PPFIA1: variants seen among roughly 807,000 people sequenced by gnomAD.
The protein encoded by PPFIA1 is liprin-alpha-1.
Under a neutral mutation model 149.9 loss-of-function variants are expected in PPFIA1, and 25 were observed. The ratio of observed to expected loss-of-function variants is 0.17; its 90% confidence interval spans 0.12 to 0.23. The LOEUF (loss-of-function observed/expected upper bound fraction) is 0.23, where lower values mean the gene tolerates loss of function less well. Among genes scored for constraint, PPFIA1 ranks in the 10% least tolerant of loss-of-function variants. The probability of loss-of-function intolerance (pLI) is 1.00; values close to 1 mark genes in which losing one functional copy is unlikely to be tolerated. For missense variants in PPFIA1, 1,362 were observed against 1,506.5 expected (o/e 0.90, Z 1.59); for synonymous variants, 549 against 552.8 (o/e 0.99, Z 0.10).
In PPFIA1 at chr11:70,354,471, C is replaced by A; in HGVS notation, c.2315+19C>A. On this transcript the variant is annotated intron_variant, in intron 17 of 27. Transcript: ENST00000253925. The stretch of plus-strand genomic sequence containing the variant: ...TAAGGAAGTAAGGAGCCTGCAGCAG[C>A]CCCATGCAGAGCGCACCTGTCTTTT... The A allele has an allele frequency of 6.3e-7, 1 of 1,596,832 alleles. No individual in the cohort carries two copies. The highest frequency in any genetic ancestry group is 1.1e-5 in the South Asian group (1 of 88,288).
intron 21 of PPFIA1, chr11:70,365,711 CTG>C (rs2056889612): frequency 8.5e-6 from 3 of 353,394 alleles, no homozygotes; most frequent in Non-Finnish European, 1.1e-5. Flanking sequence ...ATGTGACTGA[CTG>C]TGTGGCCCTT....
chr11:70,297,839 C>T (rs749147087), intron 2 of PPFIA1, among the ~76,000 whole-genome samples: 11 of 152,202 alleles, frequency 7.2e-5, no homozygotes, highest in South Asian at 2.1e-4. Flanking sequence ...TTCAGCCCCT[C>T]GTCTGGGCCA....
chr11:70,280,910 C>T (rs1402556992), intron 2 of PPFIA1, among the ~76,000 whole-genome samples: 1 of 152,126 alleles, frequency 6.6e-6, no homozygotes, highest in Non-Finnish European at 1.5e-5. Context: ...TTCCACCTCA[C>T]TCATCCCCTC....
intron 21 of PPFIA1, chr11:70,366,038 T>G (rs762563027): frequency 2.7e-5 from 12 of 441,814 alleles, no homozygotes; most frequent in Non-Finnish European, 4.9e-5. Context: ...TATGAAAACT[T>G]GTGTAATCTA....
intron 2 of PPFIA1, among the ~76,000 whole-genome samples, chr11:70,302,924 G>T (rs2052584668): frequency 1.3e-5 from 2 of 151,918 alleles, no homozygotes; most frequent in African/African-American, 4.8e-5. Context: ...CCCTAATAAG[G>T]CGTCTTTCAG....
At chr11:70,349,902 C>A (rs770393373) in intron 16 of PPFIA1, 1 of 455,544 alleles carries the variant, frequency 2.2e-6, no homozygotes, top group South Asian at 1.6e-5. Flanking sequence ...TTCCTGTCAT[C>A]CTTTTGTTTT....
intron 2 of PPFIA1, 38 bp downstream of exon 2, chr11:70,272,474 C>T (rs2050148012): frequency 6.5e-7 from 1 of 1,540,888 alleles, no homozygotes; most frequent in Non-Finnish European, 8.7e-7. Context: ...AGATTTTTCT[C>T]CACTAAATGT....
At chr11:70,296,691 A>C (rs916653181) in intron 2 of PPFIA1, among the ~76,000 whole-genome samples, 7 of 134,102 alleles carry the variant, frequency 5.2e-5, no homozygotes, top group Non-Finnish European at 7.9e-5. Flanking sequence ...GGAGAGGGAG[A>C]CCGTGGGGAG....
intron 2 of PPFIA1, among the ~76,000 whole-genome samples, chr11:70,293,047 A>G (rs1045220232): frequency 6.6e-6 from 1 of 152,188 alleles, no homozygotes; most frequent in Non-Finnish European, 1.5e-5. Flanking sequence ...GTGCCTGCCC[A>G]TGTGGCCTGC....
chr11:70,316,383 C>T (rs1183566337), intron 2 of PPFIA1, among the ~76,000 whole-genome samples: 1 of 152,188 alleles, frequency 6.6e-6, no homozygotes, highest in African/African-American at 2.4e-5. Flanking sequence ...ATTTCCCTTC[C>T]TTTTTATGGC....
At chr11:70,365,875 C>T (rs895079077) in intron 21 of PPFIA1, 14 of 449,290 alleles carry the variant, frequency 3.1e-5, no homozygotes, top group African/African-American at 1.8e-4. Context: ...GTTGCGTTGC[C>T]TGCATTACCG....
intron 2 of PPFIA1, among the ~76,000 whole-genome samples, chr11:70,323,729 T>G (rs1239430460): frequency 6.6e-6 from 1 of 152,216 alleles, no homozygotes; most frequent in Non-Finnish European, 1.5e-5. Flanking sequence ...CCTGTTTTCC[T>G]TGGGAGCAAG....
intron 26 of PPFIA1, among the ~76,000 whole-genome samples, chr11:70,380,004 G>A (rs771897725): frequency 9.2e-5 from 14 of 152,228 alleles, no homozygotes; most frequent in Non-Finnish European, 1.9e-4. Context: ...GAGTCCACGA[G>A]TGCTTTCTTG....
intron 16 of PPFIA1, chr11:70,350,114 T>C (rs1216764841): frequency 2.4e-5 from 8 of 338,758 alleles, no homozygotes; most frequent in Non-Finnish European, 4.6e-5. Context: ...GGGTTGTTTT[T>C]TTCTCAGTTA....
At chr11:70,287,496 AG>A (rs2051223506) in intron 2 of PPFIA1, among the ~76,000 whole-genome samples, 1 of 151,200 alleles carries the variant, frequency 6.6e-6, no homozygotes, top group Admixed American at 6.6e-5. Flanking sequence ...ACTTCAGCTA[AG>A]TTTTTTTTTT....
chr11:70,289,831 A>G (rs1328167269), intron 2 of PPFIA1, among the ~76,000 whole-genome samples: 1 of 152,196 alleles, frequency 6.6e-6, no homozygotes, highest in Non-Finnish European at 1.5e-5. Flanking sequence ...AGTCCAAGCT[A>G]CTTGAGAGGC....
chr11:70,292,547 T>C (rs980829756), intron 2 of PPFIA1, among the ~76,000 whole-genome samples: 9 of 152,252 alleles, frequency 5.9e-5, no homozygotes, highest in African/African-American at 2.2e-4. Context: ...TTTGGGTATT[T>C]TTTAGCAAAT....
At chr11:70,340,521 T>A (rs1448806611) in intron 14 of PPFIA1, among the ~76,000 whole-genome samples, 1 of 152,210 alleles carries the variant, frequency 6.6e-6, no homozygotes, top group Non-Finnish European at 1.5e-5. Flanking sequence ...TTACCTTCTT[T>A]CTTTGGTCTG....
chr11:70,354,485 C>G (rs777174849), intron 17 of PPFIA1, 33 bp downstream of exon 17: 1 of 1,567,716 alleles, frequency 6.4e-7, no homozygotes, highest in East Asian at 2.3e-5. Context: ...ATGCAGAGCG[C>G]ACCTGTCTTT....
Sources: allele counts gnomAD v4.1 joint callset (sites outside exome capture counted in the v4.1 genomes callset), GRCh38; gene constraint gnomAD v4.1.1; transcripts MANE v1.5; gene names NCBI Gene and HGNC (gene_info 2026-07-23, HGNC 2026-07-21).